DENND2B: variants seen among roughly 807,000 people sequenced by gnomAD.
The protein encoded by DENND2B is DENN domain containing 2B.
In DENND2B, 32 loss-of-function variants were observed where a neutral mutation model predicts 116.0. That is an observed-to-expected ratio of 0.28 (90% CI 0.21 to 0.37). DENND2B has a LOEUF of 0.37. DENND2B is among the 10% of genes least tolerant of loss of function. DENND2B has a pLI of 1.00. For missense variants in DENND2B, 1,276 were observed against 1,477.7 expected (o/e 0.86, Z 2.24); for synonymous variants, 588 against 583.9 (o/e 1.01, Z -0.10).
Position 8,821,841 on chromosome 11 carries a change from G to C in DENND2B, c.-114-10506C>G, listed in dbSNP as rs537388115. ...AGGTCTGGCTCTATCGCCCAGGCTG[G>C]AGTGGAGTGGCAAGATCTTGGCTCA... On this transcript the variant is annotated intron_variant, in intron 4 of 6. Coordinates refer to the DENND2B transcript ENST00000524757. Among the ~76,000 whole-genome samples, 57 of 152,234 alleles carry C rather than the reference G, an allele frequency of 3.7e-4. No individual in the cohort carries two copies. In the South Asian group the frequency reaches 0.012, roughly 31 times the overall value.
chr11:8,764,016 G>T, intron 1 of DENND2B, among the ~76,000 whole-genome samples: 1 of 152,020 alleles, frequency 6.6e-6, no homozygotes, highest in Non-Finnish European at 1.5e-5. Flanking sequence ...TTGAGGTCAG[G>T]AGTTTGAGAC....
chr11:8,859,598 G>A (rs1037864407), intron 2 of DENND2B, among the ~76,000 whole-genome samples: 10 of 152,202 alleles, frequency 6.6e-5, no homozygotes, highest in Non-Finnish European at 1.5e-4. Flanking sequence ...GTGAGCCACC[G>A]CGCCCGGCCA....
At chr11:8,754,027 G>GCACACA (rs1555169735) in intron 1 of DENND2B, among the ~76,000 whole-genome samples, 2 of 11,550 alleles carry the variant, frequency 1.7e-4, no homozygotes, top group African/African-American at 2.8e-4. Context: ...CACCAAAAGC[G>GCACACA]CGCACACACA....
rs561051808 is a variant in DENND2B at position 8,909,473 on chromosome 11, G to A, written c.-256+1348C>T. Reference sequence around the variant, plus strand: ...AAGGAGAAGGAGAAGGAGAAGAAATGGAAAAAAAAAGATGGCAGAGCCAGA... The same window carrying A: ...AAGGAGAAGGAGAAGGAGAAGAAATAGAAAAAAAAAGATGGCAGAGCCAGA... On this transcript the variant is annotated intron_variant, in intron 1 of 22. Coordinates refer to the DENND2B transcript ENST00000534127. 4.9e-4 allele frequency among the ~76,000 whole-genome samples: 71 copies of A among 145,840 alleles called. 1 individual carries two copies. Among genetic ancestry groups the A allele is most frequent in the African/African-American group, 1.7e-3 (68 of 40,336 alleles).
At position 8,699,281 on chromosome 11, in the gene DENND2B, G is replaced by A; in HGVS notation, c.2830C>T (p.Pro944Ser). Reference sequence around the variant, plus strand: ...AGCAGGCCAACCAGGAAGGGGGTGGGACAGCAGACGATGTCAATCATGGAG... The same window carrying A: ...AGCAGGCCAACCAGGAAGGGGGTGGAACAGCAGACGATGTCAATCATGGAG... ...PASMIDIVCC[P>S]TPFLVGLLSS... The change falls in exon 15 of 20, where the codon CCC (proline) becomes TCC (serine). Residue 944 changes from proline (P) to serine (S), a missense_variant. Pro to Ser is a moderately conservative substitution (Grantham distance 74). This residue lies in a region of DENND2B where 420 missense variants were observed against 631.1 expected (regional missense o/e 0.67). Coordinates refer to ENST00000313726, the MANE Select transcript of DENND2B (RefSeq NM_213618.2). 1 of 1,602,922 alleles carries A rather than the reference G, an allele frequency of 6.2e-7. No homozygotes were observed. The highest frequency in any genetic ancestry group is 8.5e-7 in the Non-Finnish European group (1 of 1,177,256).
chr11:8,830,547 G>A (rs1486487490), intron 4 of DENND2B, among the ~76,000 whole-genome samples: 3 of 152,138 alleles, frequency 2.0e-5, no homozygotes, highest in African/African-American at 7.2e-5. Flanking sequence ...AAAATTCAGC[G>A]AGGGCTGCAT....
At position 8,730,896 on chromosome 11, in the gene DENND2B, G is replaced by A. The variant is rs769054187; in HGVS notation, c.394C>T (p.Leu132Phe). Reference protein sequence around the residue: ...AQDVAGVAACLPLAQSTPFPG... With the variant: ...AQDVAGVAACFPLAQSTPFPG... ...AATGGCGTGCTCTGGGCAAGGGGGAGGCAGGCAGCGACCCCTGCTACATCC... is the reference window on the plus strand; with the variant it reads ...AATGGCGTGCTCTGGGCAAGGGGGAAGCAGGCAGCGACCCCTGCTACATCC... The change falls in exon 3 of 20, where the codon CTC becomes TTC. Residue 132 changes from leucine to phenylalanine, a missense_variant. Physicochemically the swap from Leu to Phe is conservative, Grantham distance 22. This residue lies in a region of DENND2B where 856 missense variants were observed against 846.6 expected (regional missense o/e 1.01). Coordinates refer to ENST00000313726, the MANE Select transcript of DENND2B (RefSeq NM_213618.2). This position sits in a 1 kb window ranked among gnomAD's most constrained non-coding sequence, Gnocchi z 4.1. The A allele has an allele frequency of 5.6e-6, 9 of 1,614,062 alleles. No individual in the cohort carries two copies. Among genetic ancestry groups the A allele is most frequent in the Non-Finnish European group, 7.6e-6 (9 of 1,180,048 alleles).
At chr11:8,703,098 T>G (rs1486165080) in intron 13 of DENND2B, 3 of 216,858 alleles carry the variant, frequency 1.4e-5, no homozygotes, top group Non-Finnish European at 2.8e-5. Context: ...GACAAAGGTC[T>G]AAGCCCCCAG....
intron 2 of DENND2B, among the ~76,000 whole-genome samples, chr11:8,737,914 A>ATTT (rs35471687): frequency 2.8e-5 from 4 of 145,040 alleles, no homozygotes; most frequent in African/African-American, 2.6e-5. Flanking sequence ...GGTCCAGCTA[A>ATTT]TTTTTTTTTT....
intron 2 of DENND2B, among the ~76,000 whole-genome samples, chr11:8,869,119 A>G (rs1055420303): frequency 6.6e-6 from 1 of 152,172 alleles, no homozygotes. Context: ...ATTGATCTGA[A>G]ATTATCCTTC....
chr11:8,722,446 C>T (rs1242655898), intron 4 of DENND2B, among the ~76,000 whole-genome samples: 2 of 152,162 alleles, frequency 1.3e-5, no homozygotes, highest in African/African-American at 4.8e-5. Flanking sequence ...CCACAGAGCA[C>T]AGGCTGGGCC....
intron 1 of DENND2B, among the ~76,000 whole-genome samples, chr11:8,807,548 T>C (rs1428172550): frequency 2.6e-5 from 4 of 152,270 alleles, no homozygotes; most frequent in East Asian, 3.9e-4. Flanking sequence ...CAAAGTTTCA[T>C]CTTCCCGGGG....
chr11:8,706,570 C>T (rs550453000), intron 13 of DENND2B, among the ~76,000 whole-genome samples: 1 of 152,326 alleles, frequency 6.6e-6, no homozygotes, highest in Non-Finnish European at 1.5e-5. Context: ...GTGTTACTTT[C>T]TCAGAGGAGA....
At chr11:8,854,630 CTT>C (rs1333318029) in intron 3 of DENND2B, among the ~76,000 whole-genome samples, 1 of 152,352 alleles carries the variant, frequency 6.6e-6, no homozygotes, top group East Asian at 1.9e-4. Context: ...AATTCCAACA[CTT>C]TGAGAGGGCA....
At chr11:8,883,203 T>C (rs1204409692) in intron 1 of DENND2B, among the ~76,000 whole-genome samples, 1 of 152,006 alleles carries the variant, frequency 6.6e-6, no homozygotes, top group Non-Finnish European at 1.5e-5. Flanking sequence ...TAACTACAAA[T>C]AAAACCAAAG....
intron 1 of DENND2B, among the ~76,000 whole-genome samples, chr11:8,905,156 A>G (rs1051855040): frequency 6.6e-6 from 1 of 152,128 alleles, no homozygotes; most frequent in Non-Finnish European, 1.5e-5. Flanking sequence ...CTACAAAACT[A>G]CAATAATCAA....
Position 8,707,325 on chromosome 11 carries a change from C to T in DENND2B, c.2431-100G>A, listed in dbSNP as rs2042774952. ...GCAGCCAAGCATCTGACCAGGCTAG[C>T]CCAGAAGCTGGGAGACGGGAAGGTG... On this transcript the variant is annotated intron_variant, in intron 12 of 19. Coordinates refer to ENST00000313726, the MANE Select transcript of DENND2B (RefSeq NM_213618.2). The surrounding 1 kb of genome is among the most constrained non-coding windows in gnomAD (Gnocchi z 4.8). The T allele has an allele frequency of 1.4e-6, 2 of 1,467,518 alleles. No individual in the cohort carries two copies. The highest frequency in any genetic ancestry group is 9.1e-7 in the Non-Finnish European group (1 of 1,098,182). 90.9% of individuals were successfully genotyped at this position (1,467,518 alleles called of 1,614,324 possible).
intron 3 of DENND2B, among the ~76,000 whole-genome samples, chr11:8,855,595 AC>A (rs1326588325): frequency 6.6e-6 from 1 of 151,914 alleles, no homozygotes; most frequent in East Asian, 2.0e-4. Context: ...CTGTATCCAC[AC>A]AGTAGGCAAA....
At position 8,787,095 on chromosome 11, in the gene DENND2B, C is replaced by T. The variant is rs1442122340; in HGVS notation, c.-26+23422G>A. The T allele has an allele frequency of 1.3e-5, 2 of 152,140 alleles. 1 individual carries two copies. The highest frequency in any genetic ancestry group is 4.1e-4 in the South Asian group (2 of 4,824). 9.4% of individuals were successfully genotyped at this position (152,140 alleles called of 1,614,324 possible). On this transcript the variant is annotated intron_variant, in intron 1 of 19. Transcript: ENST00000313726. The stretch of plus-strand genomic sequence containing the variant: ...GTCATACAGCTAGTAAAAGGAGGAG[C>T]CACAATTCAAACCAGGACTGATTTC...
Sources: allele counts gnomAD v4.1 joint callset (sites outside exome capture counted in the v4.1 genomes callset), GRCh38; gene constraint gnomAD v4.1.1; regional missense constraint gnomAD v4.1.1; non-coding constraint Gnocchi (gnomAD v3.1); transcripts MANE v1.5; gene names NCBI Gene and HGNC (gene_info 2026-07-23, HGNC 2026-07-21).